Variants in TMEM9 observed in about 807,000 individuals in gnomAD.
The protein encoded by TMEM9 is proton-transporting V-type ATPase complex assembly regulator TMEM9.
TMEM9 carries 13 observed loss-of-function variants against 22.8 expected under a neutral mutation model. The ratio of observed to expected loss-of-function variants is 0.57; its 90% CI spans 0.37 to 0.91. The LOEUF (loss-of-function observed/expected upper bound fraction) is 0.91, where lower values mean the gene tolerates loss of function less well. Among genes scored for constraint, TMEM9 ranks in the 40% least tolerant of loss-of-function variants. The pLI, the probability that TMEM9 is intolerant of heterozygous loss-of-function variation, is 0.01. For synonymous variants in TMEM9, 88 were observed against 93.0 expected (o/e 0.95, Z 0.31); for missense variants, 182 against 238.1 (o/e 0.76, Z 1.55).
At chr1:201,163,264 G>A (rs114952010) in intron 1 of TMEM9, among the ~76,000 whole-genome samples, 3 of 151,996 alleles carry the variant, frequency 2.0e-5, no homozygotes, top group Non-Finnish European at 1.5e-5. Flanking sequence ...TCCAGCCTGG[G>A]CGACACAGTG....
At chr1:201,160,358 G>A (rs1393542537) in intron 1 of TMEM9, among the ~76,000 whole-genome samples, 1 of 152,172 alleles carries the variant, frequency 6.6e-6, no homozygotes, top group African/African-American at 2.4e-5. Context: ...GGGAGGCTGA[G>A]GCAGGCGGAT....
chr1:201,140,628 C>T lies in TMEM9; in HGVS notation c.399+3192G>A, dbSNP rs535033322. ...GGTCACAGGAATTGGGGAGAAGGAA[C>T]CAAGGGGTCCCTAACCCTGAAAAAA... On this transcript the variant is annotated intron_variant, in intron 4 of 4. Transcript: ENST00000367330. 5.9e-5 allele frequency among the ~76,000 whole-genome samples: 9 copies of T among 152,228 alleles called. No individual in the cohort carries two copies. In the South Asian group the frequency reaches 1.9e-3, roughly 32 times the overall value.
intron 1 of TMEM9, among the ~76,000 whole-genome samples, chr1:201,162,285 C>G (rs1665965516): frequency 6.6e-6 from 1 of 151,886 alleles, no homozygotes; most frequent in African/African-American, 2.4e-5. Context: ...CATGTGCTAC[C>G]ATGCCAGGCT....
At chr1:201,166,577 G>A (rs1005197815) in intron 1 of TMEM9, among the ~76,000 whole-genome samples, 6 of 152,054 alleles carry the variant, frequency 3.9e-5, no homozygotes, top group African/African-American at 1.4e-4. Context: ...TGCCCAGGCT[G>A]GTCTTGAACT....
At chr1:201,167,201 T>C (rs1472222891) in intron 1 of TMEM9, among the ~76,000 whole-genome samples, 1 of 152,358 alleles carries the variant, frequency 6.6e-6, no homozygotes, top group Non-Finnish European at 1.5e-5. Context: ...ACCGTGGCAC[T>C]GCAGTACACA....
At chr1:201,153,741 C>G (rs1258369459) in intron 1 of TMEM9, 117 bp downstream of exon 1, 12 of 1,561,024 alleles carry the variant, frequency 7.7e-6, no homozygotes, top group Non-Finnish European at 1.0e-5. Flanking sequence ...GAAGTATGGC[C>G]CATAGGTGAG....
intron 4 of TMEM9, among the ~76,000 whole-genome samples, chr1:201,141,996 T>C (rs1664566428): frequency 6.6e-6 from 1 of 152,200 alleles, no homozygotes; most frequent in Non-Finnish European, 1.5e-5. Context: ...ACATTACCCC[T>C]AATCGCTGAG....
chr1:201,159,490 C>T (rs890397342), upstream of TMEM9, among the ~76,000 whole-genome samples: 10 of 39,616 alleles, frequency 2.5e-4, no homozygotes, highest in South Asian at 4.6e-3. Flanking sequence ...TTTATACACA[C>T]ACACACACAC....
At chr1:201,164,116 T>C (rs1467833467) in intron 1 of TMEM9, among the ~76,000 whole-genome samples, 1 of 152,228 alleles carries the variant, frequency 6.6e-6, no homozygotes, top group Non-Finnish European at 1.5e-5. Flanking sequence ...GAGAATTATG[T>C]TGAGTAAAAA....
chr1:201,142,075 C>T (rs949964009), intron 4 of TMEM9, among the ~76,000 whole-genome samples: 36 of 152,224 alleles, frequency 2.4e-4, no homozygotes, highest in African/African-American at 8.2e-4. Flanking sequence ...GGTAGGCACA[C>T]GAGGTTTCCT....
rs1227715293 is a variant in TMEM9, at chr1:201,135,370, C to G, written c.*293G>C. The G allele has an allele frequency of 3.8e-6, 1 of 263,544 alleles. No homozygotes were observed. Among genetic ancestry groups the G allele is most frequent in the Admixed American group, 5.5e-5 (1 of 18,334 alleles). The allele number at this position is 263,544 out of a possible 1,614,324, so 16.3% of individuals were successfully genotyped here. A position where few individuals can be genotyped will look rare whatever the true frequency, so the allele number is the denominator to read the frequency against. ...AAGAGTGGAGCCAGGAGAGACAGAT[C>G]GCATCCACTCCTGAGGCCGCCTCGA... On this transcript the variant is annotated 3_prime_UTR_variant, in exon 5 of 5. Transcript: ENST00000367330.
chr1:201,147,304 T>C (rs559706902), intron 2 of TMEM9, among the ~76,000 whole-genome samples: 2 of 152,284 alleles, frequency 1.3e-5, no homozygotes, highest in South Asian at 4.1e-4. Flanking sequence ...CACCCGCCCC[T>C]GCACACCCTT....
chr1:201,162,338 T>A (rs1665967086), intron 1 of TMEM9, among the ~76,000 whole-genome samples: 1 of 152,048 alleles, frequency 6.6e-6, no homozygotes. Context: ...AGTCTTGCTA[T>A]ATTGCCCAGG....
At chr1:201,148,689 A>C (rs1397276230) in intron 2 of TMEM9, among the ~76,000 whole-genome samples, 2 of 152,230 alleles carry the variant, frequency 1.3e-5, no homozygotes, top group Non-Finnish European at 2.9e-5. Context: ...TGTGATATAA[A>C]GACCATGTGT....
intron 1 of TMEM9, among the ~76,000 whole-genome samples, chr1:201,163,504 T>C (rs1665998667): frequency 6.6e-6 from 1 of 151,944 alleles, no homozygotes; most frequent in South Asian, 2.1e-4. Context: ...ACATGAGAAT[T>C]GCTTGAACCC....
At position 201,146,817 on chromosome 1, in the gene TMEM9, C is replaced by T; in HGVS notation, c.190G>A (p.Val64Met). Residue 64 changes from valine to methionine, a missense_variant, in exon 3 of 5, where the codon GTG (valine) becomes ATG (methionine). Val to Met is a conservative substitution (Grantham distance 21). Transcript: ENST00000367330. ...NCLHVVEPMP[V>M]PGHDVEAYCL... ...TAGGCCTCCACGTCATGGCCAGGCACTGGCATGGGCTCCACCACGTGCAGG... is the reference window on the plus strand; with the variant it reads ...TAGGCCTCCACGTCATGGCCAGGCATTGGCATGGGCTCCACCACGTGCAGG... 1 of 1,614,226 alleles carries T rather than the reference C, an allele frequency of 6.2e-7. No individual in the cohort carries two copies. The highest frequency in any genetic ancestry group is 8.5e-7 in the Non-Finnish European group (1 of 1,180,046).
intron 1 of TMEM9, among the ~76,000 whole-genome samples, chr1:201,152,680 C>T (rs574658665): frequency 6.6e-6 from 1 of 152,352 alleles, no homozygotes; most frequent in African/African-American, 2.4e-5. Context: ...ATAGATACAA[C>T]TGCTACTACA....
chr1:201,157,971 G>A (rs1203383675), upstream of TMEM9, among the ~76,000 whole-genome samples: 1 of 152,208 alleles, frequency 6.6e-6, no homozygotes, highest in Non-Finnish European at 1.5e-5. Context: ...TATAAATTAA[G>A]GCCCTTGGTT....
At chr1:201,136,681 C>T (rs1664018905) in intron 4 of TMEM9, among the ~76,000 whole-genome samples, 1 of 152,244 alleles carries the variant, frequency 6.6e-6, no homozygotes, top group Non-Finnish European at 1.5e-5. Flanking sequence ...ATTACCACTT[C>T]TCTGCCTCTG....
Sources: gnomAD v4.1 joint callset for allele counts (sites outside exome capture counted in the v4.1 genomes callset) on GRCh38, gnomAD v4.1.1 for gene constraint, MANE v1.5 for transcripts, NCBI Gene and HGNC (gene_info 2026-07-23, HGNC 2026-07-21) for gene names.